The following PARP12 variants were observed in gnomAD, a reference collection of about 807,000 sequenced individuals.
PARP12 encodes the protein poly(ADP-ribose) polymerase family member 12, also known as protein mono-ADP-ribosyltransferase PARP12.
In PARP12, 59 loss-of-function variants were observed where a neutral mutation model predicts 72.4. The observed-to-expected ratio is 0.81, with a 90% CI of 0.66 to 1.01. The LOEUF (loss-of-function observed/expected upper bound fraction) is 1.01, where lower values mean the gene tolerates loss of function less well. Among genes scored for constraint, PARP12 ranks in the 50% least tolerant of loss-of-function variants. The pLI is 0.00. For missense variants in PARP12, 851 were observed against 914.0 expected, an observed-to-expected ratio of 0.93 and a Z score of 0.89; for synonymous variants, 403 against 371.4, an observed-to-expected ratio of 1.09 and a Z score of -0.98.
intron 11 of PARP12, chr7:140,025,599 AAGAG>A (rs1431983801): frequency 5.9e-5 from 27 of 455,594 alleles, no homozygotes; most frequent in Non-Finnish European, 1.1e-4. Flanking sequence ...ATGGTGCAGA[AAGAG>A]AGAGGGAGAG....
intron 6 of PARP12, chr7:140,038,144 C>G (rs1359122704): frequency 2.2e-5 from 22 of 985,412 alleles, no homozygotes; most frequent in Non-Finnish European, 2.7e-5. Flanking sequence ...TCACCTAGGA[C>G]AGAGGACACG....
intron 1 of PARP12, among the ~76,000 whole-genome samples, chr7:140,060,234 G>C (rs1490886155): frequency 6.6e-6 from 1 of 152,190 alleles, no homozygotes; most frequent in Non-Finnish European, 1.5e-5. Flanking sequence ...GCAGAGCCCA[G>C]GTTGAAACAA....
chr7:140,036,000 A>AC (rs1816169539), intron 7 of PARP12, among the ~76,000 whole-genome samples: 1 of 28,426 alleles, frequency 3.5e-5, no homozygotes, highest in Non-Finnish European at 6.0e-5. Context: ...GAGGAGGAGG[A>AC]GAAGGAGGAG....
At chr7:140,050,255 C>T (rs1816907735) in intron 4 of PARP12, among the ~76,000 whole-genome samples, 1 of 152,152 alleles carries the variant, frequency 6.6e-6, no homozygotes, top group Admixed American at 6.5e-5. Flanking sequence ...AAGAACGATA[C>T]CCAGGCCAAT....
intron 4 of PARP12, 54 bp downstream of exon 4, chr7:140,054,608 T>C: frequency 7.1e-7 from 1 of 1,399,522 alleles, no homozygotes; most frequent in South Asian, 1.2e-5. Flanking sequence ...GCTCTGGGAA[T>C]GACAAGCAGT....
At chr7:140,043,119 A>C (rs558887217) in intron 5 of PARP12, among the ~76,000 whole-genome samples, 1 of 152,188 alleles carries the variant, frequency 6.6e-6, no homozygotes, top group Non-Finnish European at 1.5e-5. Flanking sequence ...GCATGAACCC[A>C]GGAGGCGGAG....
intron 8 of PARP12, chr7:140,033,804 TG>T: frequency 1.0e-6 from 1 of 987,142 alleles, no homozygotes; most frequent in Non-Finnish European, 1.2e-6. Flanking sequence ...CTGCAATATC[TG>T]TTTTTAGAGT....
chr7:140,030,470 C>T (rs1815896425), intron 8 of PARP12, among the ~76,000 whole-genome samples: 1 of 152,134 alleles, frequency 6.6e-6, no homozygotes, highest in Non-Finnish European at 1.5e-5. Flanking sequence ...TGGTGGCGCA[C>T]GCCAGTAGTC....
At chr7:140,031,748 T>C (rs369576403) in intron 8 of PARP12, among the ~76,000 whole-genome samples, 1 of 152,292 alleles carries the variant, frequency 6.6e-6, no homozygotes, top group African/African-American at 2.4e-5. Flanking sequence ...AAGAGAGATC[T>C]ACTCTCAGAA....
In PARP12 at chr7:140,034,246, G is replaced by T; in HGVS notation, c.1410C>A (p.Thr470=). 6.2e-7 allele frequency: 1 copy of T among 1,612,792 alleles called. No homozygotes were observed. The highest frequency in any genetic ancestry group is 1.1e-5 in the South Asian group (1 of 90,934). ...CCACTGCAACCTACCAGGTTTGCAT[G>T]GTCGTCACATCCTGGGGAGACACGT... ...PKYVSPQDVT[T]MQTCNTKFPG... Residue 470 remains threonine, a synonymous_variant, in exon 8 of 12, where the codon ACC becomes ACA. Coordinates refer to ENST00000263549, the MANE Select transcript of PARP12 (RefSeq NM_022750.4).
chr7:140,034,392 C>T, intron 7 of PARP12, 61 bp from the exon 8 acceptor site: 1 of 1,353,002 alleles, frequency 7.4e-7, no homozygotes, highest in Non-Finnish European at 1.0e-6. Flanking sequence ...CACAGGATGG[C>T]AATGTTTTAT....
intron 6 of PARP12, among the ~76,000 whole-genome samples, chr7:140,040,302 G>A (rs543947528): frequency 2.0e-5 from 3 of 152,314 alleles, no homozygotes; most frequent in South Asian, 4.1e-4. Context: ...CCACAGGGCA[G>A]GTCAGAGAGA....
chr7:140,057,636 T>C (rs1291746928), intron 2 of PARP12: 1 of 487,172 alleles, frequency 2.1e-6, no homozygotes, highest in Non-Finnish European at 3.6e-6. Flanking sequence ...TGGAGCACAC[T>C]GAGAGGCTCA....
At position 140,041,557 on chromosome 7, in the gene PARP12, C is replaced by T. The variant is rs1369628802; in HGVS notation, c.1182+87G>A. On this transcript the variant is annotated intron_variant, in intron 6 of 11. Coordinates refer to ENST00000263549, the MANE Select transcript of PARP12 (RefSeq NM_022750.4). ...GGATCCTCAGCTCTCTCAAGGATGCCCCTGGCAACAATATGGGGGCTCTTA... is the reference window on the plus strand; with the variant it reads ...GGATCCTCAGCTCTCTCAAGGATGCTCCTGGCAACAATATGGGGGCTCTTA... The T allele has an allele frequency of 3.7e-6, 5 of 1,364,682 alleles. No homozygotes were observed. The Admixed American group carries it at 8.8e-5, about 24-fold the overall frequency. The allele number at this position is 1,364,682 out of a possible 1,614,324, so 84.5% of individuals were successfully genotyped here.
chr7:140,035,894 G>A (rs1816137030), intron 7 of PARP12, among the ~76,000 whole-genome samples: 1 of 148,604 alleles, frequency 6.7e-6, no homozygotes, highest in Non-Finnish European at 1.5e-5. Context: ...AGAGGAAGAG[G>A]AGGAGGACGA....
intron 8 of PARP12, among the ~76,000 whole-genome samples, chr7:140,030,451 A>T (rs543169570): frequency 2.0e-5 from 3 of 152,340 alleles, no homozygotes; most frequent in African/African-American, 4.8e-5. Flanking sequence ...TACAAAAATT[A>T]GCCGGGCATG....
Position 140,062,584 on chromosome 7 carries a change from G to C in PARP12, c.264C>G (p.Leu88=). 1 of 1,543,060 alleles carries C rather than the reference G, an allele frequency of 6.5e-7. No individual in the cohort carries two copies. The highest frequency in any genetic ancestry group is 1.4e-5 in the African/African-American group (1 of 71,822). ...ACCTGCAGAGGTGGAGCTGCGCGCA[G>C]AGCCCCACGCAGCCCGGCTTGGAGC... ...HQGSKPGCVG[L]CAQLHLCRFM... is the part of the protein sequence containing the mutation. Residue 88 remains leucine, a synonymous_variant, in exon 1 of 12, where the codon CTC becomes CTG. Coordinates refer to ENST00000263549, the MANE Select transcript of PARP12 (RefSeq NM_022750.4).
chr7:140,034,473 G>T, intron 7 of PARP12, 142 bp from the exon 8 acceptor site: 1 of 629,760 alleles, frequency 1.6e-6, no homozygotes. Context: ...TTAAAAATAG[G>T]GCCATTTTAC....
intron 4 of PARP12, 90 bp downstream of exon 4, chr7:140,054,572 T>C: frequency 1.8e-6 from 2 of 1,102,028 alleles, no homozygotes; most frequent in Non-Finnish European, 2.8e-6. Context: ...GGGTAGAGGT[T>C]TGGTAGGGGG....
Sources: allele counts gnomAD v4.1 joint callset (sites outside exome capture counted in the v4.1 genomes callset), GRCh38; gene constraint gnomAD v4.1.1; transcripts MANE v1.5; gene names NCBI Gene and HGNC (gene_info 2026-07-23, HGNC 2026-07-21).